The following BUB1 variants were observed in gnomAD, a reference collection of about 807,000 sequenced individuals.
BUB1 encodes the protein BUB1 mitotic checkpoint serine/threonine kinase.
In BUB1, 84 loss-of-function variants were observed where a neutral mutation model predicts 135.2. The ratio of observed to expected loss-of-function variants is 0.62; its 90% CI spans 0.52 to 0.74. The LOEUF (loss-of-function observed/expected upper bound fraction) is 0.74. Among genes scored for constraint, BUB1 ranks in the 30% least tolerant of loss-of-function variants. BUB1 has a pLI of 0.00. For missense variants in BUB1, 1,162 were observed against 1,288.3 expected (o/e 0.90, Z 1.50); for synonymous variants, 403 against 434.4 (o/e 0.93, Z 0.90).
rs892552035 is a variant in BUB1, at chr2:110,662,806, C to T, written c.958-965G>A. Among the ~76,000 whole-genome samples the T allele has an allele frequency of 2.6e-5, 4 of 151,816 alleles. No homozygotes were observed. In the South Asian group the frequency reaches 6.2e-4, roughly 24 times the overall value. On this transcript the variant is annotated intron_variant, in intron 9 of 24. Transcript: ENST00000302759. ...GACAGAGTGAGCCCCTGCCTCAAAA[C>T]ACAAACAAACACACACTACCAAATG...
Position 110,658,405 on chromosome 2 carries a change from A to T in BUB1, c.1516+5T>A. The T allele has an allele frequency of 6.2e-7, 1 of 1,603,446 alleles. No individual in the cohort carries two copies. Among genetic ancestry groups the T allele is most frequent in the Non-Finnish European group, 8.5e-7 (1 of 1,171,744 alleles). On this transcript the variant is annotated splice_donor_5th_base_variant and intron_variant, in intron 13 of 24. Coordinates refer to ENST00000302759, the MANE Select transcript of BUB1 (RefSeq NM_004336.5). ...TGCACTTAGTAGCTTTTAAATAGTT[A>T]TTACTTTGAAACTGGGCTTCAAATG...
chr2:110,658,571 T>C lies in BUB1; in HGVS notation c.1405+43A>G, dbSNP rs200698269. 938 of 1,613,924 alleles carry C rather than the reference T, an allele frequency of 5.8e-4. 14 individuals carry two copies. In the South Asian group the frequency reaches 9.6e-3, roughly 17 times the overall value. ...AAACAGGTTGCAAAAGAGCTTTCAT[T>C]AACTTGTCATCAGGTGCTACACACT... On this transcript the variant is annotated intron_variant, in intron 12 of 24. Coordinates refer to ENST00000302759, the MANE Select transcript of BUB1 (RefSeq NM_004336.5).
chr2:110,642,151 C>A lies in BUB1; in HGVS notation c.2431G>T (p.Asp811Tyr). 6.2e-7 allele frequency: 1 copy of A among 1,612,742 alleles called. No homozygotes were observed. The highest frequency in any genetic ancestry group is 1.1e-5 in the South Asian group (1 of 90,686). Residue 811 changes from aspartate to tyrosine, a missense_variant, in exon 20 of 25, where the codon GAT (aspartate) becomes TAT (tyrosine). Coordinates refer to ENST00000302759, the MANE Select transcript of BUB1 (RefSeq NM_004336.5). ...ACAAATTTCTGTTTATTTTTAGCATCATTCAGATCTCCCTGGGTAGCTTCG... is the reference window on the plus strand; with the variant it reads ...ACAAATTTCTGTTTATTTTTAGCATAATTCAGATCTCCCTGGGTAGCTTCG... Reference protein sequence around the residue: ...VYEATQGDLNDAKNKQKFVLK... With the variant: ...VYEATQGDLNYAKNKQKFVLK...
At chr2:110,653,055 A>AG (rs1229128963) in intron 17 of BUB1, among the ~76,000 whole-genome samples, 1 of 152,202 alleles carries the variant, frequency 6.6e-6, no homozygotes, top group Non-Finnish European at 1.5e-5. Flanking sequence ...CCTGGGTACC[A>AG]GGTTGCATTT....
At chr2:110,667,924 A>G (rs1321144887) in intron 6 of BUB1, 75 bp from the exon 7 acceptor site, 1 of 1,425,848 alleles carries the variant, frequency 7.0e-7, no homozygotes, top group African/African-American at 1.4e-5. Context: ...TCACAAAACA[A>G]TATGAAAATG....
chr2:110,641,263 T>C lies in BUB1; in HGVS notation c.2783+44A>G, dbSNP rs754553386. 2.5e-6 allele frequency: 4 copies of C among 1,585,354 alleles called. No individual in the cohort carries two copies. In the Admixed American group the frequency reaches 7.3e-5, roughly 29 times the overall value. On this transcript the variant is annotated intron_variant, in intron 22 of 24. Transcript: ENST00000302759. ...GAGCACAAATGATGAAAGGCTGCTA[T>C]GGAAATAGGAAGAGAAGAACCCTGT...
Position 110,658,502 on chromosome 2 carries a change from A to C in BUB1, c.1424T>G (p.Phe475Cys), listed in dbSNP as rs1275162358. The C allele has an allele frequency of 1.2e-6, 2 of 1,613,822 alleles. No homozygotes were observed. The highest frequency in any genetic ancestry group is 1.7e-6 in the Non-Finnish European group (2 of 1,179,906). ...KEALGFIMNM[F>C]QAPTLPDISD... Reference sequence around the variant, plus strand: ...AATATCAGGAAGTGTAGGAGCCTGAAACATATTCATGATGAAACCTTAAAG... The same window carrying C: ...AATATCAGGAAGTGTAGGAGCCTGACACATATTCATGATGAAACCTTAAAG... Residue 475 changes from phenylalanine (F) to cysteine (C), a missense_variant, in exon 13 of 25, where the codon TTT (phenylalanine) becomes TGT (cysteine). By Grantham distance (205) the Phe-to-Cys change is radical. Transcript: ENST00000302759.
In BUB1 at chr2:110,667,487, A is replaced by G. The variant is rs767685150; in HGVS notation, c.805+34T>C. The G allele has an allele frequency of 8.3e-6, 13 of 1,570,920 alleles. No individual in the cohort carries two copies. The South Asian group carries it at 1.3e-4, about 16-fold the overall frequency. On this transcript the variant is annotated intron_variant, in intron 8 of 24. Transcript: ENST00000302759. ...AGAGATGAGGATTTTTTTATGTGAC[A>G]TAAGAATAACTAAAAATACAAGATT...
Position 110,655,738 on chromosome 2 carries a change from C to A in BUB1, c.1876+1G>T. On this transcript the variant is annotated splice_donor_variant, in intron 16 of 24. Transcript: ENST00000302759. LOFTEE classifies it high-confidence loss of function. ...AGACACTAAAACAGTGTAACACACA[C>A]CTTTATCTTCTAAAATGTGCACTGA... 1 of 1,612,552 alleles carries A rather than the reference C, an allele frequency of 6.2e-7. No homozygotes were observed. The highest frequency in any genetic ancestry group is 8.5e-7 in the Non-Finnish European group (1 of 1,178,808).
Position 110,674,354 on chromosome 2 carries a change from G to A in BUB1, c.38C>T (p.Ala13Val), listed in dbSNP as rs1322086360. 1 of 1,613,928 alleles carries A rather than the reference G, an allele frequency of 6.2e-7. No individual in the cohort carries two copies. Among genetic ancestry groups the A allele is most frequent in the South Asian group, 1.1e-5 (1 of 91,074 alleles). ...TPENVLQMLE[A>V]HMQSYKGNDP... ...ATTGCCCTTGTAGCTCTGCATGTGG[G>A]CTTCAAGCATCCTAGAAGAGAGAAA... The change falls in exon 2 of 25, where the codon GCC (alanine) becomes GTC (valine). Residue 13 changes from alanine (A) to valine (V), a missense_variant. Physicochemically the swap from Ala to Val is moderately conservative, Grantham distance 64. Coordinates refer to ENST00000302759, the MANE Select transcript of BUB1 (RefSeq NM_004336.5).
chr2:110,653,547 CAA>C (rs1689838519), intron 16 of BUB1, 24 bp from the exon 17 acceptor site: 1 of 1,598,646 alleles, frequency 6.3e-7, no homozygotes, highest in Admixed American at 1.7e-5. Flanking sequence ...AAATTAGAGA[CAA>C]GATATGTTAG....
At chr2:110,668,482 T>C (rs1690328270) in intron 6 of BUB1, among the ~76,000 whole-genome samples, 1 of 152,240 alleles carries the variant, frequency 6.6e-6, no homozygotes. Flanking sequence ...CTTCTAAGAA[T>C]GTATTACATT....
intron 10 of BUB1, chr2:110,660,816 C>T (rs919879860): frequency 3.3e-5 from 5 of 152,152 alleles, no homozygotes; most frequent in African/African-American, 9.7e-5. Context: ...GTGCAATGTC[C>T]TCTAGCATTT....
intron 24 of BUB1, among the ~76,000 whole-genome samples, chr2:110,639,049 CT>C (rs1437334631): frequency 6.6e-6 from 1 of 151,794 alleles, no homozygotes; most frequent in East Asian, 1.9e-4. Flanking sequence ...GATGAGTGTA[CT>C]TTTCTGCATG....
Position 110,678,030 on chromosome 2 carries a change from G to A in BUB1, c.-35C>T. 6.3e-7 allele frequency: 1 copy of A among 1,592,072 alleles called. No individual in the cohort carries two copies. The highest frequency in any genetic ancestry group is 8.5e-7 in the Non-Finnish European group (1 of 1,171,196). ...ACGCTGGCCGGCAGCGGCCAAACCT[G>A]AACCGCAAACTAGAAGCCGCCGCCG... On this transcript the variant is annotated 5_prime_UTR_variant, in exon 1 of 25. Transcript: ENST00000302759.
chr2:110,657,185 A>G, intron 14 of BUB1, 68 bp from the exon 15 acceptor site: 1 of 1,356,064 alleles, frequency 7.4e-7, no homozygotes, highest in Non-Finnish European at 1.0e-6. Context: ...TCACTTGACC[A>G]TTAGAAAAGT....
At chr2:110,649,984 G>T (rs1689738051) in intron 18 of BUB1, among the ~76,000 whole-genome samples, 1 of 152,182 alleles carries the variant, frequency 6.6e-6, no homozygotes, top group African/African-American at 2.4e-5. Flanking sequence ...ACTGTTCTCA[G>T]TGCTTTATTA....
rs1335065650 is a variant in BUB1 at position 110,641,452 on chromosome 2, G to A, written c.2638C>T (p.Leu880Phe). The change falls in exon 22 of 25, where the codon CTC becomes TTC. Residue 880 changes from leucine to phenylalanine, a missense_variant. Physicochemically the swap from Leu to Phe is conservative, Grantham distance 22. Transcript: ENST00000302759. ...SYGTLLNAIN[L>F]YKNTPEKVMP... ...ACTTTTTCAGGGGTATTTTTATAGA[G>A]GTTAATGGCATTCTAGGAACAATGG... 1.2e-5 allele frequency: 19 copies of A among 1,606,586 alleles called. No individual in the cohort carries two copies. The South Asian group carries it at 2.1e-4, about 18-fold the overall frequency.
intron 4 of BUB1, among the ~76,000 whole-genome samples, chr2:110,672,189 C>T (rs565597507): frequency 6.6e-6 from 1 of 151,910 alleles, no homozygotes; most frequent in Non-Finnish European, 1.5e-5. Context: ...ATTACACCAT[C>T]GCACTCCAGC....
Sources: allele counts gnomAD v4.1 joint callset (sites outside exome capture counted in the v4.1 genomes callset), GRCh38; gene constraint gnomAD v4.1.1; transcripts MANE v1.5; gene names NCBI Gene and HGNC (gene_info 2026-07-23, HGNC 2026-07-21).